Variants in TBC1D5 observed in about 807,000 individuals in gnomAD.
The protein encoded by TBC1D5 is TBC1 domain family, member 5.
Under a neutral mutation model 100.3 loss-of-function variants are expected in TBC1D5, and 75 were observed. The observed-to-expected ratio is 0.75, with a 90% CI of 0.62 to 0.91. The LOEUF (loss-of-function observed/expected upper bound fraction) is 0.91, where lower values mean the gene tolerates loss of function less well. Among genes scored for constraint, TBC1D5 ranks in the 40% least tolerant of loss-of-function variants. The pLI, the probability that TBC1D5 is intolerant of heterozygous loss-of-function variation, is 0.00. For synonymous variants in TBC1D5, 323 were observed against 325.6 expected, an observed-to-expected ratio of 0.99 and a Z score of 0.09; for missense variants, 910 against 942.4, an observed-to-expected ratio of 0.97 and a Z score of 0.45.
intron 2 of TBC1D5, among the ~76,000 whole-genome samples, chr3:17,546,249 T>C (rs555825320): frequency 6.6e-6 from 1 of 152,268 alleles, no homozygotes; most frequent in African/African-American, 2.4e-5. Flanking sequence ...AACACTATCA[T>C]AGAAATCCTA....
chr3:17,710,583 T>TAAAC (rs1191344591), intron 1 of TBC1D5, among the ~76,000 whole-genome samples: 2 of 151,560 alleles, frequency 1.3e-5, no homozygotes, highest in East Asian at 3.9e-4. Flanking sequence ...AATAAATAAA[T>TAAAC]AAATAAATAA....
chr3:17,671,827 CAG>C (rs2067980460), intron 1 of TBC1D5, among the ~76,000 whole-genome samples: 1 of 152,188 alleles, frequency 6.6e-6, no homozygotes, highest in African/African-American at 2.4e-5. Flanking sequence ...ATGATTAAAA[CAG>C]AGATCATTTT....
chr3:17,351,660 T>A (rs1054461079), intron 13 of TBC1D5, among the ~76,000 whole-genome samples: 1 of 152,048 alleles, frequency 6.6e-6, no homozygotes, highest in Admixed American at 6.6e-5. Flanking sequence ...CAAACCACCA[T>A]GGCACATGTA....
intron 18 of TBC1D5, among the ~76,000 whole-genome samples, chr3:17,203,560 T>G (rs1284420321): frequency 6.6e-6 from 1 of 152,188 alleles, no homozygotes; most frequent in African/African-American, 2.4e-5. Flanking sequence ...AAATCTCATC[T>G]TGAATTGTAA....
chr3:17,489,764 G>A (rs947376617), intron 3 of TBC1D5, among the ~76,000 whole-genome samples: 2 of 152,286 alleles, frequency 1.3e-5, no homozygotes, highest in Non-Finnish European at 1.5e-5. Context: ...TCACTAATGG[G>A]CATCTGGGTA....
intron 16 of TBC1D5, among the ~76,000 whole-genome samples, chr3:17,239,744 G>A (rs573900179): frequency 2.7e-5 from 4 of 145,856 alleles, no homozygotes; most frequent in South Asian, 2.2e-4. Context: ...CAAATAGAGG[G>A]CACCAAGTTA....
intron 16 of TBC1D5, among the ~76,000 whole-genome samples, chr3:17,245,758 C>A (rs974782501): frequency 9.2e-5 from 14 of 152,108 alleles, no homozygotes; most frequent in African/African-American, 3.4e-4. Context: ...ACTGAGATTT[C>A]TATTTTGAGA....
intron 2 of TBC1D5, among the ~76,000 whole-genome samples, chr3:17,590,519 T>C (rs1353045630): frequency 6.6e-6 from 1 of 152,178 alleles, no homozygotes; most frequent in Non-Finnish European, 1.5e-5. Context: ...GATCTACTCA[T>C]CCCAACTGGG....
chr3:17,615,348 T>A (rs1035122832), intron 2 of TBC1D5, among the ~76,000 whole-genome samples: 3 of 152,224 alleles, frequency 2.0e-5, no homozygotes, highest in Non-Finnish European at 4.4e-5. Context: ...AAATTCTATT[T>A]TTTTTGCTAT....
rs114414082 is a variant in TBC1D5 at position 17,283,449 on chromosome 3, A to T, written c.1245+8446T>A. On this transcript the variant is annotated intron_variant, in intron 15 of 21. Coordinates refer to ENST00000253692, the Ensembl canonical transcript of TBC1D5. ...AGAGGAGCATGTTGACATAAATGAA[A>T]GCAAAACTGACTGAGACTGGTGGTA... Among the ~76,000 whole-genome samples, 896 of 152,290 alleles carry T rather than the reference A, an allele frequency of 5.9e-3. 5 individuals carry two copies. The highest frequency in any genetic ancestry group is 0.021 in the African/African-American group (874 of 41,554).
chr3:17,246,567 CAG>C (rs961509743), intron 16 of TBC1D5, among the ~76,000 whole-genome samples: 15 of 152,302 alleles, frequency 9.8e-5, no homozygotes, highest in Admixed American at 4.6e-4. Context: ...AGAGAAAAAA[CAG>C]AGTGTGGAAA....
chr3:17,178,819 T>A (rs1249062838), intron 19 of TBC1D5, among the ~76,000 whole-genome samples: 1 of 152,028 alleles, frequency 6.6e-6, no homozygotes, highest in Non-Finnish European at 1.5e-5. Context: ...TTTAATTTTT[T>A]TTTTTTAATA....
chr3:17,358,071 C>T (rs1269725847), intron 13 of TBC1D5, among the ~76,000 whole-genome samples: 2 of 152,144 alleles, frequency 1.3e-5, no homozygotes, highest in Admixed American at 1.3e-4. Context: ...AATTTATCAT[C>T]TTCATGCTTG....
rs779402500 is a variant in TBC1D5, at chr3:17,308,095, C to G, written c.1035G>C (p.Leu345=). Reference sequence around the variant, plus strand: ...CATCCCAGACCACCAGAAGGTCCTGCAGGGGGAACTCTCGTCCAAATAGCA... The same window carrying G: ...CATCCCAGACCACCAGAAGGTCCTGGAGGGGGAACTCTCGTCCAAATAGCA... The change falls in exon 14 of 22, where the codon CTG becomes CTC. Residue 345 remains leucine (L), a synonymous_variant. Coordinates refer to ENST00000253692, the Ensembl canonical transcript of TBC1D5. 8 of 1,605,662 alleles carry G rather than the reference C, an allele frequency of 5.0e-6. No individual in the cohort carries two copies. In the Admixed American group the frequency reaches 1.4e-4, roughly 28 times the overall value.
intron 2 of TBC1D5, among the ~76,000 whole-genome samples, chr3:17,537,983 C>T (rs1017673149): frequency 6.6e-6 from 1 of 152,150 alleles, no homozygotes; most frequent in South Asian, 2.1e-4. Context: ...TTTAGGAAGA[C>T]ATAACACATC....
At chr3:17,529,716 G>A (rs956175259) in intron 2 of TBC1D5, among the ~76,000 whole-genome samples, 1 of 151,304 alleles carries the variant, frequency 6.6e-6, no homozygotes. Flanking sequence ...GCATAATCTC[G>A]GCTCACTGCA....
intron 2 of TBC1D5, among the ~76,000 whole-genome samples, chr3:17,556,329 T>C (rs1421368039): frequency 6.6e-6 from 1 of 152,206 alleles, no homozygotes; most frequent in Non-Finnish European, 1.5e-5. Flanking sequence ...AGTTTGTTTT[T>C]AAGCCTACAA....
At chr3:17,698,217 A>G (rs1328085067) in intron 1 of TBC1D5, among the ~76,000 whole-genome samples, 2 of 152,360 alleles carry the variant, frequency 1.3e-5, no homozygotes, top group East Asian at 1.9e-4. Context: ...GGAACAGAAC[A>G]GAGCCCTCAG....
chr3:17,728,083 C>T (rs975368394), intron 1 of TBC1D5, among the ~76,000 whole-genome samples: 2 of 152,152 alleles, frequency 1.3e-5, no homozygotes, highest in Non-Finnish European at 2.9e-5. Flanking sequence ...TAACAGTCAA[C>T]ATCCACACCT....
Sources: gnomAD v4.1 joint callset for allele counts (sites outside exome capture counted in the v4.1 genomes callset) on GRCh38, gnomAD v4.1.1 for gene constraint, MANE v1.5 for transcripts, NCBI Gene and HGNC (gene_info 2026-07-23, HGNC 2026-07-21) for gene names.